CD96: variants seen among roughly 807,000 people sequenced by gnomAD.
CD96 encodes T-cell surface protein tactile.
A neutral mutation model predicts 71.3 loss-of-function variants in CD96; 70 were observed. The observed-to-expected ratio is 0.98, with a 90% confidence interval of 0.81 to 1.20. CD96 has a LOEUF of 1.20. CD96 is among the 50% of genes most tolerant of loss of function. The pLI is 0.00. For missense variants in CD96, 742 were observed against 677.5 expected, an observed-to-expected ratio of 1.10 and a Z score of -1.06; for synonymous variants, 248 against 233.0, an observed-to-expected ratio of 1.06 and a Z score of -0.59.
intron 8 of CD96, 45 bp downstream of exon 8, chr3:111,606,837 T>G (rs760845073): frequency 2.7e-6 from 3 of 1,111,260 alleles, no homozygotes; most frequent in East Asian, 2.3e-5. Flanking sequence ...CCAAGCAGAT[T>G]GATAACGATA....
intron 8 of CD96, among the ~76,000 whole-genome samples, chr3:111,621,940 A>T (rs1264666462): frequency 6.6e-6 from 1 of 152,184 alleles, no homozygotes; most frequent in African/African-American, 2.4e-5. Flanking sequence ...AATCTTGTGC[A>T]ATTTTTCTAT....
At chr3:111,624,679 G>A (rs1450274985) in intron 10 of CD96, among the ~76,000 whole-genome samples, 1 of 152,170 alleles carries the variant, frequency 6.6e-6, no homozygotes, top group Admixed American at 6.5e-5. Context: ...GAGAGTGAAG[G>A]GTTGCCATTT....
At chr3:111,628,898 A>G (rs1027088610) in intron 10 of CD96, among the ~76,000 whole-genome samples, 1 of 152,214 alleles carries the variant, frequency 6.6e-6, no homozygotes, top group African/African-American at 2.4e-5. Context: ...CCAGAATTTC[A>G]TATCTGGCCA....
At chr3:111,581,432 A>G (rs1936462956) in intron 4 of CD96, among the ~76,000 whole-genome samples, 1 of 152,222 alleles carries the variant, frequency 6.6e-6, no homozygotes, top group Admixed American at 6.5e-5. Flanking sequence ...CTTGAAATCA[A>G]TACCCAAATA....
chr3:111,629,435 G>T (rs1938948246), intron 10 of CD96, among the ~76,000 whole-genome samples: 1 of 152,104 alleles, frequency 6.6e-6, no homozygotes, highest in Admixed American at 6.5e-5. Flanking sequence ...ATTACATAAT[G>T]GTAAATGGTT....
chr3:111,584,432 A>G (rs377161378), intron 4 of CD96, among the ~76,000 whole-genome samples: 1 of 152,206 alleles, frequency 6.6e-6, no homozygotes, highest in Admixed American at 6.5e-5. Context: ...ATTTTTGGGT[A>G]TATTTTCAGC....
chr3:111,657,937 T>C (rs1940273002), intron 14 of CD96, among the ~76,000 whole-genome samples: 1 of 152,192 alleles, frequency 6.6e-6, no homozygotes, highest in Admixed American at 6.5e-5. Flanking sequence ...CATATGTGTT[T>C]TGCATTGCAA....
Position 111,594,074 on chromosome 3 carries a change from G to A in CD96, c.808-4046G>A, listed in dbSNP as rs775158420. The stretch of plus-strand genomic sequence containing the variant: ...GCCCTTGTTGTGGGGCATTGGAGTG[G>A]GCATAGCACTCACAAAAGGGCCAAC... On this transcript the variant is annotated intron_variant, in intron 5 of 13. Coordinates refer to ENST00000352690, the MANE Select transcript of CD96 (RefSeq NM_005816.5). The A allele has an allele frequency of 3.7e-5, 59 of 1,613,962 alleles. No individual in the cohort carries two copies. Among genetic ancestry groups the A allele is most frequent in the Admixed American group, 3.3e-5 (2 of 59,982 alleles).
chr3:111,545,176 G>A lies in CD96; in HGVS notation c.192G>A (p.Lys64=). 1.9e-6 allele frequency: 3 copies of A among 1,614,204 alleles called. No homozygotes were observed. The highest frequency in any genetic ancestry group is 1.7e-6 in the Non-Finnish European group (2 of 1,180,034). The change falls in exon 2 of 14, where the codon AAG becomes AAA. Residue 64 remains lysine, a synonymous_variant. Transcript: ENST00000352690. The stretch of plus-strand genomic sequence containing the variant: ...TGCAATGGTCCAAGGTCACCAATAA[G>A]ATAGACCTGATTGCTGTCTATCATC... The part of the protein sequence containing the change: ...VQMQWSKVTN[K]IDLIAVYHPQ...
chr3:111,565,521 A>AT (rs1241513817), intron 2 of CD96, among the ~76,000 whole-genome samples: 1 of 152,030 alleles, frequency 6.6e-6, no homozygotes, highest in East Asian at 1.9e-4. Context: ...TATTCAGTAT[A>AT]TTTTAAATAA....
chr3:111,611,555 A>G (rs1310603112), intron 8 of CD96, among the ~76,000 whole-genome samples: 2 of 152,210 alleles, frequency 1.3e-5, no homozygotes, highest in Non-Finnish European at 2.9e-5. Context: ...TTTGCTAGTC[A>G]TGCCATGCCT....
intron 10 of CD96, 33 bp downstream of exon 10, chr3:111,624,437 T>C (rs1175898633): frequency 2.5e-6 from 3 of 1,184,110 alleles, no homozygotes; most frequent in Non-Finnish European, 3.8e-6. Context: ...TTGAGTCCTC[T>C]GGACTTCAGT....
Position 111,652,014 on chromosome 3 carries a change from T to A in CD96, c.*2208T>A, listed in dbSNP as rs990771119. On this transcript the variant is annotated 3_prime_UTR_variant, in exon 14 of 14. Transcript: ENST00000352690. ...CATCTTGGAAGCAGATCCTCCAGCC[T>A]CCAGTCAAGTCTTCAGATAATTGCA... 1 of 152,160 alleles carries A rather than the reference T, an allele frequency of 6.6e-6. No homozygotes were observed. Among genetic ancestry groups the A allele is most frequent in the Non-Finnish European group, 1.5e-5 (1 of 68,046 alleles). The allele number at this position is 152,160 out of a possible 1,614,324, so 9.4% of individuals were successfully genotyped here.
chr3:111,544,101 A>G (rs1412384049), intron 1 of CD96, among the ~76,000 whole-genome samples: 3 of 152,116 alleles, frequency 2.0e-5, no homozygotes, highest in African/African-American at 7.2e-5. Context: ...ACTCTGGGCA[A>G]CTGAATTCAT....
intron 2 of CD96, among the ~76,000 whole-genome samples, chr3:111,565,089 C>T (rs1475719292): frequency 6.6e-6 from 1 of 152,164 alleles, no homozygotes; most frequent in African/African-American, 2.4e-5. Context: ...AAACTCTCTT[C>T]TCCATTTGAG....
chr3:111,606,866 A>G, intron 8 of CD96, 74 bp downstream of exon 8: 1 of 896,984 alleles, frequency 1.1e-6, no homozygotes, highest in Non-Finnish European at 1.9e-6. Context: ...GCAAACTTGC[A>G]TCATTCATGC....
intron 5 of CD96, among the ~76,000 whole-genome samples, chr3:111,586,542 A>C (rs1416493213): frequency 6.6e-6 from 1 of 152,194 alleles, no homozygotes; most frequent in East Asian, 1.9e-4. Flanking sequence ...CACACCCAAG[A>C]CTGGGTAATT....
At position 111,542,209 on chromosome 3, in the gene CD96, G is replaced by C. The variant is rs563438211; in HGVS notation, c.-40G>C. 5 of 1,588,154 alleles carry C rather than the reference G, an allele frequency of 3.1e-6. No individual in the cohort carries two copies. In the African/African-American group the frequency reaches 6.7e-5, roughly 21 times the overall value. On this transcript the variant is annotated 5_prime_UTR_variant, in exon 1 of 14. Transcript: ENST00000352690. ...GCTTGAAAACATCAATTGACTTTGT[G>C]ATCATTACAGAAATGCTGGTGTAAG...
chr3:111,613,987 T>C (rs1034605704), intron 8 of CD96, among the ~76,000 whole-genome samples: 1 of 152,248 alleles, frequency 6.6e-6, no homozygotes, highest in African/African-American at 2.4e-5. Context: ...ATATATTGAA[T>C]AATTTTTTCT....
Sources: gnomAD v4.1 joint callset for allele counts (sites outside exome capture counted in the v4.1 genomes callset) on GRCh38, gnomAD v4.1.1 for gene constraint, MANE v1.5 for transcripts, NCBI Gene and HGNC (gene_info 2026-07-23, HGNC 2026-07-21) for gene names.